The following RAB30 variants were observed in gnomAD, a reference collection of about 807,000 sequenced individuals.
The protein encoded by RAB30 is ras-related protein Rab-30.
Under a neutral mutation model 25.1 loss-of-function variants are expected in RAB30, and 9 were observed. The observed-to-expected ratio is 0.36, with a 90% CI of 0.22 to 0.63. The LOEUF is 0.63. Ranked by LOEUF, RAB30 falls within the 20% of genes least tolerant of loss-of-function variation. RAB30 has a pLI of 0.69. For missense variants in RAB30, 140 were observed against 243.5 expected (o/e 0.58, Z 2.83); for synonymous variants, 77 against 86.4 (o/e 0.89, Z 0.60).
Position 82,979,405 on chromosome 11 carries a change from A to G in RAB30, c.*2760T>C, listed in dbSNP as rs1856602035. On this transcript the variant is annotated 3_prime_UTR_variant, in exon 5 of 5. Transcript: ENST00000527633. ...TAAAGCAATTTCTCTTTTTTCATCC[A>G]CCACTAAATGAGAGTTCATTTTTAT... 1 of 152,194 alleles carries G rather than the reference A, an allele frequency of 6.6e-6. No individual in the cohort carries two copies. Among genetic ancestry groups the G allele is most frequent in the African/African-American group, 2.4e-5 (1 of 41,462 alleles). The allele number at this position is 152,194 out of a possible 1,614,324, so 9.4% of individuals were successfully genotyped here.
chr11:83,055,463 A>G (rs941738830), intron 1 of RAB30, among the ~76,000 whole-genome samples: 1 of 152,140 alleles, frequency 6.6e-6, no homozygotes, highest in African/African-American at 2.4e-5. Flanking sequence ...TGCCCTTCTC[A>G]CCTTCCTCAT....
intron 1 of RAB30, among the ~76,000 whole-genome samples, chr11:83,056,808 T>C (rs188589520): frequency 9.8e-5 from 15 of 152,322 alleles, no homozygotes; most frequent in Admixed American, 8.5e-4. Context: ...TGATATAACA[T>C]GTTAACACAG....
At position 82,978,330 on chromosome 11, in the gene RAB30, G is replaced by T. The variant is rs1216877774; in HGVS notation, c.*3835C>A. 1.3e-5 allele frequency: 2 copies of T among 151,968 alleles called. No homozygotes were observed. Among genetic ancestry groups the T allele is most frequent in the Admixed American group, 6.6e-5 (1 of 15,266 alleles). 9.4% of individuals were successfully genotyped at this position (151,968 alleles called of 1,614,324 possible). On this transcript the variant is annotated 3_prime_UTR_variant, in exon 5 of 5. Coordinates refer to ENST00000527633, the MANE Select transcript of RAB30 (RefSeq NM_001286060.2). ...GAAATACAGAGTTCTACAAGATTAAGAAATAAAAAAGACATTAGATTTTTG... is the reference window on the plus strand; with the variant it reads ...GAAATACAGAGTTCTACAAGATTAATAAATAAAAAAGACATTAGATTTTTG...
intron 1 of RAB30, among the ~76,000 whole-genome samples, chr11:83,001,046 CAAAAAAAAAA>C (rs1181057652): frequency 1.9e-5 from 1 of 53,634 alleles, no homozygotes. Context: ...GACTCCGTCT[CAAAAAAAAAA>C]AAAAAAAAAA....
At chr11:83,009,989 A>T (rs1590850095) in intron 1 of RAB30, among the ~76,000 whole-genome samples, 2 of 151,550 alleles carry the variant, frequency 1.3e-5, no homozygotes, top group East Asian at 3.9e-4. Context: ...CTGGTCTTGA[A>T]CTCCTGCCCT....
intron 1 of RAB30, among the ~76,000 whole-genome samples, chr11:83,069,311 A>C (rs1361901516): frequency 6.6e-6 from 1 of 152,230 alleles, no homozygotes; most frequent in Non-Finnish European, 1.5e-5. Context: ...ACAGCTTCTG[A>C]ATCTGCCTGT....
chr11:83,065,697 C>T (rs932304243), intron 1 of RAB30, among the ~76,000 whole-genome samples: 1 of 152,142 alleles, frequency 6.6e-6, no homozygotes, highest in Admixed American at 6.5e-5. Context: ...ACTAAACAAG[C>T]ACCACCCAAT....
chr11:83,056,766 A>C (rs1323095553), intron 1 of RAB30, among the ~76,000 whole-genome samples: 2 of 152,206 alleles, frequency 1.3e-5, no homozygotes, highest in Admixed American at 1.3e-4. Flanking sequence ...TCAGAGATTC[A>C]GTTTTCTCAT....
rs952611559 is a variant in RAB30, at chr11:82,980,577, G to A, written c.*1588C>T. 4.6e-5 allele frequency: 7 copies of A among 152,138 alleles called. No individual in the cohort carries two copies. The highest frequency in any genetic ancestry group is 7.2e-5 in the African/African-American group (3 of 41,420). 9.4% of individuals were successfully genotyped at this position (152,138 alleles called of 1,614,324 possible). A position where few individuals can be genotyped will look rare whatever the true frequency, so the allele number is the denominator to read the frequency against. On this transcript the variant is annotated 3_prime_UTR_variant, in exon 5 of 5. Transcript: ENST00000527633. ...TCCTTATTCCATTACTCATCCCTCA[G>A]TTATGCTAAGCAGCAAGCTACAGAA...
chr11:83,021,462 C>T (rs888086447), intron 1 of RAB30, among the ~76,000 whole-genome samples: 10 of 152,192 alleles, frequency 6.6e-5, no homozygotes, highest in South Asian at 2.1e-4. Context: ...AAGCTGCTTG[C>T]GGCGCACCTG....
intron 1 of RAB30, among the ~76,000 whole-genome samples, chr11:83,033,055 CTTTTTTTTTTTT>C (rs71463144): frequency 3.2e-4 from 25 of 77,868 alleles, no homozygotes; most frequent in Admixed American, 1.7e-3. Flanking sequence ...GCCTCAAATT[CTTTTTTTTTTTT>C]TTTTTTTTTT....
chr11:82,996,779 G>A (rs1235962362), intron 2 of RAB30, among the ~76,000 whole-genome samples: 1 of 152,216 alleles, frequency 6.6e-6, no homozygotes, highest in African/African-American at 2.4e-5. Context: ...ATTCACTCAA[G>A]TTTCCTGGGA....
At chr11:83,067,442 C>T (rs187851258) in intron 1 of RAB30, among the ~76,000 whole-genome samples, 7 of 152,304 alleles carry the variant, frequency 4.6e-5, no homozygotes, top group Non-Finnish European at 8.8e-5. Context: ...GAGCTCTCTT[C>T]TACTCCATCA....
chr11:82,987,609 G>T lies in RAB30; in HGVS notation c.339C>A (p.Asn113Lys). Residue 113 changes from asparagine to lysine, a missense_variant, in exon 4 of 5, where the codon AAC becomes AAA. Coordinates refer to ENST00000527633, the MANE Select transcript of RAB30 (RefSeq NM_001286060.2). ...TACCCACTAACACAGTGATGACCTT[G>T]TTGCTGGCATATTGTTCTATCTCCC... is the stretch of plus-strand genomic sequence containing the variant. ...WLREIEQYASNKVITVLVGNK... is the reference protein window; with the variant it reads ...WLREIEQYASKKVITVLVGNK... The T allele has an allele frequency of 6.2e-7, 1 of 1,612,758 alleles. No individual in the cohort carries two copies.
At chr11:82,982,493 T>C (rs760819220) in intron 4 of RAB30, 78 bp from the exon 5 acceptor site, 21 of 1,468,924 alleles carry the variant, frequency 1.4e-5, no homozygotes, top group Admixed American at 3.6e-5. Context: ...TTCAACTCCA[T>C]ATCTGAAGTC....
intron 1 of RAB30, among the ~76,000 whole-genome samples, chr11:83,067,929 A>T (rs1427286642): frequency 6.6e-6 from 1 of 151,780 alleles, no homozygotes; most frequent in Non-Finnish European, 1.5e-5. Context: ...AGTTTGAGAG[A>T]TCAGCCTGGC....
intron 1 of RAB30, among the ~76,000 whole-genome samples, chr11:83,067,452 A>T (rs969026631): frequency 1.3e-5 from 2 of 152,172 alleles, no homozygotes; most frequent in African/African-American, 4.8e-5. Context: ...CTACTCCATC[A>T]TGCCACATCC....
At position 82,974,892 on chromosome 11, in the gene RAB30, C is replaced by T. The variant is rs1856515432; in HGVS notation, c.*7273G>A. 6.6e-6 allele frequency: 1 copy of T among 151,600 alleles called. No individual in the cohort carries two copies. The highest frequency in any genetic ancestry group is 2.4e-5 in the African/African-American group (1 of 41,290). The allele number at this position is 151,600 out of a possible 1,614,324, so 9.4% of individuals were successfully genotyped here. A position where few individuals can be genotyped will look rare whatever the true frequency, so the allele number is the denominator to read the frequency against. ...ACTTTTCCCTTCAGATTATCAAAAA[C>T]CTCTTTTTACTCCTGTATTATCTGA... On this transcript the variant is annotated 3_prime_UTR_variant, in exon 5 of 5. Coordinates refer to ENST00000527633, the MANE Select transcript of RAB30 (RefSeq NM_001286060.2).
intron 2 of RAB30, among the ~76,000 whole-genome samples, chr11:82,996,317 G>C (rs1257399799): frequency 6.6e-6 from 1 of 152,184 alleles, no homozygotes; most frequent in Non-Finnish European, 1.5e-5. Context: ...CCAGGAAAGG[G>C]AGGTAACTTA....
Sources: gnomAD v4.1 joint callset for allele counts (sites outside exome capture counted in the v4.1 genomes callset) on GRCh38, gnomAD v4.1.1 for gene constraint, MANE v1.5 for transcripts, NCBI Gene and HGNC (gene_info 2026-07-23, HGNC 2026-07-21) for gene names.